SDK2: variants seen among roughly 807,000 people sequenced by gnomAD.
The protein encoded by SDK2 is sidekick cell adhesion molecule 2, also known as protein sidekick-2.
Under a neutral mutation model 253.9 loss-of-function variants are expected in SDK2, and 105 were observed. The ratio of observed to expected loss-of-function variants is 0.41; its 90% CI spans 0.35 to 0.49. SDK2 has a LOEUF of 0.49. Among genes scored for constraint, SDK2 ranks in the 20% least tolerant of loss-of-function variants. The pLI, the probability that SDK2 is intolerant of heterozygous loss-of-function variation, is 0.06. For missense variants in SDK2, 2,608 were observed against 3,003.0 expected, an observed-to-expected ratio of 0.87 and a Z score of 3.07; for synonymous variants, 1,249 against 1,234.9, an observed-to-expected ratio of 1.01 and a Z score of -0.24.
chr17:73,478,208 T>C (rs555000065), intron 2 of SDK2, among the ~76,000 whole-genome samples: 2 of 152,286 alleles, frequency 1.3e-5, no homozygotes, highest in South Asian at 4.1e-4. Context: ...ACAGGAGACA[T>C]GGCCTCCTGT....
intron 1 of SDK2, among the ~76,000 whole-genome samples, chr17:73,631,196 T>C (rs2046265367): frequency 6.6e-6 from 1 of 152,214 alleles, no homozygotes. Flanking sequence ...GATAATGAGC[T>C]TGGAGCCCAG....
intron 1 of SDK2, among the ~76,000 whole-genome samples, chr17:73,543,376 G>C (rs987330778): frequency 6.6e-6 from 1 of 152,148 alleles, no homozygotes; most frequent in African/African-American, 2.4e-5. Context: ...GTGCCATGCC[G>C]CTCATATCCC....
chr17:73,529,250 G>A (rs1005799761), intron 1 of SDK2, among the ~76,000 whole-genome samples: 1 of 152,178 alleles, frequency 6.6e-6, no homozygotes. Flanking sequence ...GGGGACAGCT[G>A]AGGGAGGACC....
chr17:73,345,472 A>G (rs1445632999), intron 44 of SDK2, among the ~76,000 whole-genome samples: 3 of 152,206 alleles, frequency 2.0e-5, no homozygotes, highest in Non-Finnish European at 4.4e-5. Context: ...ATAACGCAAC[A>G]TTCATTAGAG....
Position 73,358,201 on chromosome 17 carries a change from G to A in SDK2, c.5471C>T (p.Ala1824Val). Residue 1824 changes from alanine (A) to valine (V), a missense_variant, in exon 40 of 45, where the codon GCC (alanine) becomes GTC (valine). Physicochemically the swap from Ala to Val is moderately conservative, Grantham distance 64 (BLOSUM62 0). Coordinates refer to ENST00000392650, the MANE Select transcript of SDK2 (RefSeq NM_001144952.2). ...GATGGGCACGCCAGGCGGTCCTGGG[G>A]CACCTGCAGACAGCACACAGAGGCG... ...ANVTTGPGEG[A>V]PGPPGVPIIV... 6.2e-7 allele frequency: 1 copy of A among 1,602,660 alleles called. No homozygotes were observed. The highest frequency in any genetic ancestry group is 8.5e-7 in the Non-Finnish European group (1 of 1,176,884).
At chr17:73,469,355 G>T (rs2063627715) in intron 3 of SDK2, among the ~76,000 whole-genome samples, 1 of 152,210 alleles carries the variant, frequency 6.6e-6, no homozygotes, top group Non-Finnish European at 1.5e-5. Context: ...GCAGTGTGGG[G>T]AAGGGGAAGC....
chr17:73,531,484 T>C (rs996090842), intron 1 of SDK2, among the ~76,000 whole-genome samples: 5 of 152,162 alleles, frequency 3.3e-5, no homozygotes, highest in East Asian at 3.9e-4. Context: ...TGGTCCACCG[T>C]TGGCATTCAA....
chr17:73,412,046 GTATATACGTATATGTATA>G (rs2063136686), intron 18 of SDK2, among the ~76,000 whole-genome samples: 1 of 2,314 alleles, frequency 4.3e-4, no homozygotes, highest in East Asian at 8.6e-3. Context: ...GTATATATAT[GTATATACGTATATGTATA>G]TATACGTATA....
In SDK2 at chr17:73,537,257, C is replaced by T. The variant is rs570515531; in HGVS notation, c.65-29660G>A. Among the ~76,000 whole-genome samples, 3 of 152,300 alleles carry T rather than the reference C, an allele frequency of 2.0e-5. No individual in the cohort carries two copies. The South Asian group carries it at 6.2e-4, about 32-fold the overall frequency. On this transcript the variant is annotated intron_variant, in intron 1 of 44. Coordinates refer to ENST00000392650, the MANE Select transcript of SDK2 (RefSeq NM_001144952.2). ...AACTCAGCCAACCTCCTGCCCTGCT[C>T]GCCTTGCCCCTGCCAAATGGCCGCG...
chr17:73,367,045 C>A (rs2145433958), intron 37 of SDK2, among the ~76,000 whole-genome samples: 1 of 152,272 alleles, frequency 6.6e-6, no homozygotes, highest in East Asian at 1.9e-4. Context: ...GCTCTGTCAC[C>A]CAGGCTGGAG....
intron 2 of SDK2, among the ~76,000 whole-genome samples, chr17:73,507,074 G>A (rs565532162): frequency 2.6e-5 from 4 of 152,342 alleles, no homozygotes; most frequent in Admixed American, 6.5e-5. Context: ...CACAACAAGA[G>A]TCCCCTGGAG....
At chr17:73,341,606 A>C (rs1001158513) in intron 44 of SDK2, among the ~76,000 whole-genome samples, 15 of 152,322 alleles carry the variant, frequency 9.8e-5, no homozygotes, top group African/African-American at 3.6e-4. Context: ...CAGTTAGCCC[A>C]ATCCAGACAA....
chr17:73,352,693 C>T lies in SDK2; in HGVS notation c.5594-56G>A. 6.3e-7 allele frequency: 1 copy of T among 1,577,140 alleles called. No individual in the cohort carries two copies. Among genetic ancestry groups the T allele is most frequent in the South Asian group, 1.1e-5 (1 of 88,464 alleles). ...AGGTGAGGGGAAGCCCCAAATCCCG[C>T]TCCCAGCCCCGTTCTGACTATGCTC... On this transcript the variant is annotated intron_variant, in intron 40 of 44. Coordinates refer to ENST00000392650, the MANE Select transcript of SDK2 (RefSeq NM_001144952.2). This position sits in a 1 kb window ranked among gnomAD's most constrained non-coding sequence, Gnocchi z 4.1.
At chr17:73,558,344 C>T (rs1009171187) in intron 1 of SDK2, among the ~76,000 whole-genome samples, 13 of 151,574 alleles carry the variant, frequency 8.6e-5, no homozygotes, top group Admixed American at 2.0e-4. Context: ...TTAATGACAA[C>T]GACCATGCCC....
intron 44 of SDK2, among the ~76,000 whole-genome samples, chr17:73,343,758 T>A (rs1254752732): frequency 6.6e-6 from 1 of 152,160 alleles, no homozygotes; most frequent in Non-Finnish European, 1.5e-5. Context: ...GCTTTTTTGT[T>A]CATCTCCAGC....
intron 2 of SDK2, among the ~76,000 whole-genome samples, chr17:73,498,602 C>T (rs2063861857): frequency 6.6e-6 from 1 of 152,202 alleles, no homozygotes; most frequent in Admixed American, 6.5e-5. Context: ...CTTGTCTTAA[C>T]TTTATGATTT....
intron 15 of SDK2, among the ~76,000 whole-genome samples, chr17:73,419,517 G>T (rs1364321690): frequency 6.6e-6 from 1 of 151,898 alleles, no homozygotes; most frequent in Non-Finnish European, 1.5e-5. Context: ...ACTAGTTGAG[G>T]CTCAAATGAT....
At chr17:73,429,063 A>G (rs994146977) in intron 12 of SDK2, among the ~76,000 whole-genome samples, 1 of 152,218 alleles carries the variant, frequency 6.6e-6, no homozygotes, top group African/African-American at 2.4e-5. Flanking sequence ...AATGAATACA[A>G]TGTATGTCTT....
intron 1 of SDK2, among the ~76,000 whole-genome samples, chr17:73,608,867 G>A (rs1237726395): frequency 1.3e-5 from 2 of 152,222 alleles, no homozygotes; most frequent in African/African-American, 2.4e-5. Context: ...TTGTGAGGAG[G>A]TGACTGCAGT....
Sources: gnomAD v4.1 joint callset for allele counts (sites outside exome capture counted in the v4.1 genomes callset) on GRCh38, gnomAD v4.1.1 for gene constraint, Gnocchi (gnomAD v3.1) non-coding constraint, MANE v1.5 for transcripts, NCBI Gene and HGNC (gene_info 2026-07-23, HGNC 2026-07-21) for gene names.